The following SRMS variants were observed in gnomAD, a reference collection of about 807,000 sequenced individuals.
SRMS encodes tyrosine-protein kinase Srms.
In SRMS, 42 loss-of-function variants were observed where a neutral mutation model predicts 43.5. The observed-to-expected ratio is 0.97, with a 90% CI of 0.75 to 1.25. The LOEUF is 1.25. Ranked by LOEUF, SRMS falls within the 50% of genes most tolerant of loss-of-function variation. The probability of loss-of-function intolerance (pLI) is 0.00; values close to 1 mark genes in which losing one functional copy is unlikely to be tolerated. For missense variants in SRMS, 703 were observed against 681.0 expected, an observed-to-expected ratio of 1.03 and a Z score of -0.36; for synonymous variants, 316 against 308.2, an observed-to-expected ratio of 1.03 and a Z score of -0.27.
chr20:63,540,723 C>G lies in SRMS; in HGVS notation c.*95G>C, dbSNP rs938849251. 1 of 1,459,500 alleles carries G rather than the reference C, an allele frequency of 6.9e-7. No homozygotes were observed. The highest frequency in any genetic ancestry group is 1.4e-5 in the African/African-American group (1 of 70,186). The allele number at this position is 1,459,500 out of a possible 1,614,324, so 90.4% of individuals were successfully genotyped here. A position where few individuals can be genotyped will look rare whatever the true frequency, so the allele number is the denominator to read the frequency against. On this transcript the variant is annotated 3_prime_UTR_variant, in exon 8 of 8. Coordinates refer to ENST00000217188, the MANE Select transcript of SRMS (RefSeq NM_080823.4). ...GCCTGAGGCCCACAGCCAGAGGCTC[C>G]TCGGTCCGGCAGACCGGCATCCCTT... is the stretch of plus-strand genomic sequence containing the variant.
rs557989151 is a variant in SRMS at position 63,539,118 on chromosome 20, C to T, written c.*1700G>A. ...CTCAAGGCCTCAGTGGGCCCAGGTA[C>T]CAGAACCAGCCCCTCCCCTAGGTTC... On this transcript the variant is annotated 3_prime_UTR_variant, in exon 8 of 8. Transcript: ENST00000217188. 2.0e-5 allele frequency among the ~76,000 whole-genome samples: 3 copies of T among 152,214 alleles called. No homozygotes were observed. The East Asian group carries it at 5.8e-4, about 29-fold the overall frequency.
At chr20:63,546,973 G>T in intron 1 of SRMS, 135 bp downstream of exon 1, 1 of 849,738 alleles carries the variant, frequency 1.2e-6, no homozygotes, top group Non-Finnish European at 1.7e-6. Flanking sequence ...AGCTGTCCCT[G>T]AATGAATGCG....
At position 63,542,651 on chromosome 20, in the gene SRMS, A is replaced by C. The variant is rs549605876; in HGVS notation, c.646-70T>G. On this transcript the variant is annotated intron_variant, in intron 3 of 7. Transcript: ENST00000217188. ...TGCTCTGTCCCAGGCACAGCCCCCC[A>C]CACCAGGCCTCTGGCGGGCACCCCT... is the stretch of plus-strand genomic sequence containing the variant. 36 of 1,501,442 alleles carry C rather than the reference A, an allele frequency of 2.4e-5. No homozygotes were observed. In the African/African-American group the frequency reaches 4.2e-4, roughly 17 times the overall value. 93.0% of individuals were successfully genotyped at this position (1,501,442 alleles called of 1,614,324 possible). A position where few individuals can be genotyped will look rare whatever the true frequency, so the allele number is the denominator to read the frequency against.
At chr20:63,546,276 C>G (rs947358862) in intron 1 of SRMS, among the ~76,000 whole-genome samples, 1 of 150,230 alleles carries the variant, frequency 6.7e-6, no homozygotes, top group African/African-American at 2.4e-5. Flanking sequence ...TCCTGTGACT[C>G]CGGCTTCACC....
At position 63,540,584 on chromosome 20, in the gene SRMS, T is replaced by C. The variant is rs1342626606; in HGVS notation, c.*234A>G. Among the ~76,000 whole-genome samples the C allele has an allele frequency of 1.2e-4, 17 of 142,366 alleles. No individual in the cohort carries two copies. The highest frequency in any genetic ancestry group is 5.5e-4 in the Admixed American group (8 of 14,424). 93.4% of individuals were successfully genotyped at this position (142,366 alleles called of 152,430 possible). A position where few individuals can be genotyped will look rare whatever the true frequency, so the allele number is the denominator to read the frequency against. On this transcript the variant is annotated 3_prime_UTR_variant, in exon 8 of 8. Transcript: ENST00000217188. ...CTTCGTCTGCACGAGTCACACTGCA[T>C]GGGGGACGTCAGCCCCAGCCCTCCG...
rs763687937 is a variant in SRMS, at chr20:63,542,211, T to C, written c.898A>G (p.Ile300Val). 5.0e-5 allele frequency: 80 copies of C among 1,612,362 alleles called. No homozygotes were observed. Among genetic ancestry groups the C allele is most frequent in the Admixed American group, 1.7e-4 (10 of 59,978 alleles). The change falls in exon 5 of 8, where the codon ATC becomes GTC. Residue 300 changes from isoleucine to valine, a missense_variant. Coordinates refer to ENST00000217188, the MANE Select transcript of SRMS (RefSeq NM_080823.4). The part of the protein sequence containing the change: ...AVCSGGEPVY[I>V]VTELMRKGNL... ...CCCTTGCGCATGAGTTCCGTGACGA[T>C]GTACACAGGCTCCCCGCCCGAGCAC...
Position 63,538,758 on chromosome 20 carries a change from C to T in SRMS, c.*2060G>A, listed in dbSNP as rs963418088. Among the ~76,000 whole-genome samples the T allele has an allele frequency of 1.3e-5, 2 of 152,072 alleles. No individual in the cohort carries two copies. On this transcript the variant is annotated 3_prime_UTR_variant, in exon 8 of 8. Coordinates refer to ENST00000217188, the MANE Select transcript of SRMS (RefSeq NM_080823.4). ...AATGCGGAAGGAGGGTGCCGGGGCA[C>T]CTGGCCGGGCAGCGTCCCTCAGAGC...
rs201608831 is a variant in SRMS at position 63,547,507 on chromosome 20, C to T, written c.-44G>A. On this transcript the variant is annotated 5_prime_UTR_variant, in exon 1 of 8. Coordinates refer to ENST00000217188, the MANE Select transcript of SRMS (RefSeq NM_080823.4). ...TGGGCCCGAGGGCCATGGGAGCCCG[C>T]GAGCCCGGAAGAGGAACTGGCAGGG... The T allele has an allele frequency of 5.5e-5, 79 of 1,427,436 alleles. 1 individual carries two copies. Among genetic ancestry groups the T allele is most frequent in the African/African-American group, 3.0e-4 (20 of 67,724 alleles). The allele number at this position is 1,427,436 out of a possible 1,614,324, so 88.4% of individuals were successfully genotyped here. A position where few individuals can be genotyped will look rare whatever the true frequency, so the allele number is the denominator to read the frequency against.
rs1259988143 is a variant in SRMS, at chr20:63,542,670, C to G, written c.646-89G>C. On this transcript the variant is annotated intron_variant, in intron 3 of 7. Transcript: ENST00000217188. ...CCCCCCACACCAGGCCTCTGGCGGGCACCCCTGTCCCCAGCACACACTCAC... is the reference window on the plus strand; with the variant it reads ...CCCCCCACACCAGGCCTCTGGCGGGGACCCCTGTCCCCAGCACACACTCAC... 2.1e-6 allele frequency: 3 copies of G among 1,435,670 alleles called. No homozygotes were observed. The African/African-American group carries it at 4.3e-5, about 21-fold the overall frequency. The allele number at this position is 1,435,670 out of a possible 1,614,324, so 88.9% of individuals were successfully genotyped here. A position where few individuals can be genotyped will look rare whatever the true frequency, so the allele number is the denominator to read the frequency against.
chr20:63,544,780 A>G (rs6090449), intron 1 of SRMS, among the ~76,000 whole-genome samples: 94,001 of 152,226 alleles, frequency 0.62, 35,609 homozygotes, highest in East Asian at 0.91. Flanking sequence ...GGCCATGGGC[A>G]TCACCTGGCT....
Position 63,540,964 on chromosome 20 carries a change from G to T in SRMS, c.1321C>A (p.Arg441=), listed in dbSNP as rs376080206. The T allele has an allele frequency of 7.5e-6, 12 of 1,608,270 alleles. No homozygotes were observed. The highest frequency in any genetic ancestry group is 6.7e-5 in the Admixed American group (4 of 59,914). Residue 441 remains arginine (R), a synonymous_variant, in exon 8 of 8, where the codon CGA becomes AGA. Coordinates refer to ENST00000217188, the MANE Select transcript of SRMS (RefSeq NM_080823.4). The part of the protein sequence containing the change: ...TNHETLQQIM[R]GYRLPRPAAC... ...GCCGGGCGCGGCAGCCGGTACCCTCGCATGATCTGCTGCAGCGTCTCGTGG... is the reference window on the plus strand; with the variant it reads ...GCCGGGCGCGGCAGCCGGTACCCTCTCATGATCTGCTGCAGCGTCTCGTGG...
Position 63,541,021 on chromosome 20 carries a change from C to G in SRMS, c.1286-22G>C, listed in dbSNP as rs754932255. ...ATCCCTGGGAGGCGCGGGGCAAGAG[C>G]TGCCTCGATTCTGCCTGGGGGTCCC... is the stretch of plus-strand genomic sequence containing the variant. On this transcript the variant is annotated intron_variant, in intron 7 of 7. Coordinates refer to ENST00000217188, the MANE Select transcript of SRMS (RefSeq NM_080823.4). 4 of 1,607,414 alleles carry G rather than the reference C, an allele frequency of 2.5e-6. No homozygotes were observed. The East Asian group carries it at 8.9e-5, about 36-fold the overall frequency.
chr20:63,541,770 C>T, intron 5 of SRMS, 150 bp from the exon 6 acceptor site: 1 of 1,043,128 alleles, frequency 9.6e-7, no homozygotes, highest in Non-Finnish European at 1.3e-6. Flanking sequence ...CGGGAAGCCC[C>T]AAGTGAGACA....
At chr20:63,543,524 C>T (rs937724812) in intron 2 of SRMS, 44 bp from the exon 3 acceptor site, 52 of 1,595,500 alleles carry the variant, frequency 3.3e-5, no homozygotes, top group Non-Finnish European at 4.3e-5. Flanking sequence ...TGGCTGCCAG[C>T]TGCCCCGACC....
At position 63,547,241 on chromosome 20, in the gene SRMS, C is replaced by T. The variant is rs55863722; in HGVS notation, c.223G>A (p.Gly75Arg). 1.9e-3 allele frequency: 3,137 copies of T among 1,610,674 alleles called. 5 individuals are homozygous for T. Among genetic ancestry groups the T allele is most frequent in the Non-Finnish European group, 2.4e-3 (2,798 of 1,178,818 alleles). Residue 75 changes from glycine to arginine, a missense_variant, in exon 1 of 8, where the codon GGG (glycine) becomes AGG (arginine). Physicochemically the swap from Gly to Arg is moderately radical, Grantham distance 125. Transcript: ENST00000217188. ...TCTTCGAGGGCACAGAGCCTGTCCC[C>T]GCGGCGGACACTCAGCTCCCCGCCA... Reference protein sequence around the residue: ...RCGGELSVRRGDRLCALEEGG... With the variant: ...RCGGELSVRRRDRLCALEEGG...
At chr20:63,542,095 T>A (rs2082707525) in intron 5 of SRMS, 68 bp downstream of exon 5, 3 of 1,555,068 alleles carry the variant, frequency 1.9e-6, no homozygotes, top group Non-Finnish European at 2.6e-6. Flanking sequence ...CAGGTTCAGC[T>A]CTGCGCCAGG....
intron 1 of SRMS, among the ~76,000 whole-genome samples, chr20:63,546,885 C>T (rs145750908): frequency 5.9e-5 from 9 of 152,354 alleles, no homozygotes; most frequent in African/African-American, 9.6e-5. Context: ...CCACGCCTGC[C>T]GGAGCCTCCT....
chr20:63,547,168 G>A lies in SRMS; in HGVS notation c.296C>T (p.Ala99Val). The change falls in exon 1 of 8, where the codon GCC becomes GTC. Residue 99 changes from alanine to valine, a missense_variant. Ala to Val is a moderately conservative substitution (Grantham distance 64). Coordinates refer to ENST00000217188, the MANE Select transcript of SRMS (RefSeq NM_080823.4). ...CACGTGGGTGATGGGCACGAGCCCG[G>A]CGCTGGGCTGGCCCGAAAGCCTGCG... ...FARRLSGQPSAGLVPITHVAK... is the reference protein window; with the variant it reads ...FARRLSGQPSVGLVPITHVAK... 6.2e-7 allele frequency: 1 copy of A among 1,611,454 alleles called. No individual in the cohort carries two copies. Among genetic ancestry groups the A allele is most frequent in the Non-Finnish European group, 8.5e-7 (1 of 1,179,240 alleles).
At position 63,547,275 on chromosome 20, in the gene SRMS, C is replaced by T. The variant is rs202085727; in HGVS notation, c.189G>A (p.Thr63=). 27 of 1,609,980 alleles carry T rather than the reference C, an allele frequency of 1.7e-5. No homozygotes were observed. Among genetic ancestry groups the T allele is most frequent in the Admixed American group, 1.2e-4 (7 of 59,746 alleles). The part of the protein sequence containing the change: ...PQLFLALYDF[T]ARCGGELSVR... ...CACTCAGCTCCCCGCCACACCGCGC[C>T]GTGAAGTCATAGAGCGCAAGGAAGA... Residue 63 remains threonine (T), a synonymous_variant, in exon 1 of 8, where the codon ACG becomes ACA. Coordinates refer to ENST00000217188, the MANE Select transcript of SRMS (RefSeq NM_080823.4).
Sources: allele counts gnomAD v4.1 joint callset (sites outside exome capture counted in the v4.1 genomes callset), GRCh38; gene constraint gnomAD v4.1.1; transcripts MANE v1.5; gene names NCBI Gene and HGNC (gene_info 2026-07-23, HGNC 2026-07-21).